Variants in PLCE1 observed in about 807,000 individuals in gnomAD.
PLCE1 encodes the protein 1-phosphatidylinositol 4,5-bisphosphate phosphodiesterase epsilon-1.
Under a neutral mutation model 242.8 loss-of-function variants are expected in PLCE1, and 119 were observed. The ratio of observed to expected loss-of-function variants is 0.49; its 90% CI spans 0.42 to 0.57. The LOEUF (loss-of-function observed/expected upper bound fraction) is 0.57. Ranked by LOEUF, PLCE1 falls within the 20% of genes least tolerant of loss-of-function variation. The probability of loss-of-function intolerance (pLI) is 0.00; values close to 1 mark genes in which losing one functional copy is unlikely to be tolerated. For missense variants in PLCE1, 2,441 were observed against 2,788.8 expected (o/e 0.88, Z 2.81); for synonymous variants, 945 against 1,017.4 (o/e 0.93, Z 1.35).
At chr10:94,212,697 T>G (rs2049383312) in intron 4 of PLCE1, among the ~76,000 whole-genome samples, 1 of 152,250 alleles carries the variant, frequency 6.6e-6, no homozygotes, top group Non-Finnish European at 1.5e-5. Flanking sequence ...CTCCAGACAC[T>G]TTCTTCACAA....
chr10:94,225,791 C>G (rs543227665), intron 4 of PLCE1, among the ~76,000 whole-genome samples: 1 of 152,344 alleles, frequency 6.6e-6, no homozygotes, highest in South Asian at 2.1e-4. Flanking sequence ...TTGCACTGCC[C>G]TCTGTGGTTG....
chr10:94,176,355 G>A (rs992135515), intron 4 of PLCE1, among the ~76,000 whole-genome samples: 21 of 152,172 alleles, frequency 1.4e-4, no homozygotes, highest in South Asian at 2.1e-4. Flanking sequence ...AGCCAAGATC[G>A]TACTACTGCA....
intron 2 of PLCE1, among the ~76,000 whole-genome samples, chr10:94,112,958 G>A (rs2046000887): frequency 6.6e-6 from 1 of 152,156 alleles, no homozygotes; most frequent in African/African-American, 2.4e-5. Context: ...CCTGGTCCTA[G>A]GGCTGGGGAC....
intron 7 of PLCE1, among the ~76,000 whole-genome samples, chr10:94,240,946 T>G (rs2050484883): frequency 6.6e-6 from 1 of 152,224 alleles, no homozygotes; most frequent in Non-Finnish European, 1.5e-5. Flanking sequence ...TTATCCCTTC[T>G]TGTAAACCCA....
In PLCE1 at chr10:94,246,132, C is replaced by G. The variant is rs745944178; in HGVS notation, c.2607C>G (p.His869Gln). ...TGCTGCAGGGGGCCACGGTCATCCA[C>G]TACGACCAGGACACACACCTCTCTG... ...QFLLQGATVI[H>Q]YDQDTHLSAR... Residue 869 changes from histidine to glutamine, a missense_variant, in exon 8 of 33, where the codon CAC becomes CAG. Coordinates refer to ENST00000371380, the MANE Select transcript of PLCE1 (RefSeq NM_016341.4). 1.9e-6 allele frequency: 3 copies of G among 1,614,172 alleles called. No homozygotes were observed. The highest frequency in any genetic ancestry group is 2.2e-5 in the South Asian group (2 of 91,082).
At chr10:94,258,965 C>CA in intron 12 of PLCE1, 43 bp downstream of exon 12, 1 of 1,614,046 alleles carries the variant, frequency 6.2e-7, no homozygotes. Context: ...CAGGCCCCCC[C>CA]ATTTCTATAA....
chr10:94,235,918 G>A lies in PLCE1; in HGVS notation c.2218G>A (p.Val740Ile). The change falls in exon 7 of 33, where the codon GTA (valine) becomes ATA (isoleucine). Residue 740 changes from valine (V) to isoleucine (I), a missense_variant. Physicochemically the swap from Val to Ile is conservative, Grantham distance 29. Transcript: ENST00000371380. ...YNSQEETLEF[V>I]ADYSGQDNFL... ...AATTCTCGATTTTTTTTTGTAGTTT[G>A]TAGCAGATTACAGTGGACAAGATAA... 6.2e-7 allele frequency: 1 copy of A among 1,612,702 alleles called. No individual in the cohort carries two copies. The highest frequency in any genetic ancestry group is 2.2e-5 in the East Asian group (1 of 44,860).
intron 2 of PLCE1, among the ~76,000 whole-genome samples, chr10:94,107,333 T>G (rs1171287924): frequency 6.6e-6 from 1 of 152,164 alleles, no homozygotes; most frequent in African/African-American, 2.4e-5. Flanking sequence ...TCCTCCTTCA[T>G]GCCACCCCCC....
chr10:94,041,708 G>C lies in PLCE1; in HGVS notation c.1206+9456G>C, dbSNP rs572411385. The stretch of plus-strand genomic sequence containing the variant: ...ATGGACTGGAGGGAATCTAGCTTCT[G>C]TCAGTGGGGGTTCGGGGATGGACAT... On this transcript the variant is annotated intron_variant, in intron 2 of 32. Transcript: ENST00000371380. Among the ~76,000 whole-genome samples, 176 of 152,270 alleles carry C rather than the reference G, an allele frequency of 1.2e-3. 1 individual carries two copies. Among genetic ancestry groups the C allele is most frequent in the South Asian group, 2.5e-3 (12 of 4,826 alleles).
At chr10:94,160,022 T>G (rs950361414) in intron 3 of PLCE1, among the ~76,000 whole-genome samples, 1 of 152,258 alleles carries the variant, frequency 6.6e-6, no homozygotes, top group African/African-American at 2.4e-5. Flanking sequence ...CTATCATTGT[T>G]GGACATTTGG....
intron 25 of PLCE1, among the ~76,000 whole-genome samples, chr10:94,305,053 A>G (rs2053154623): frequency 1.3e-5 from 2 of 152,208 alleles, no homozygotes; most frequent in Non-Finnish European, 2.9e-5. Context: ...CCTCCGTATA[A>G]TTTAACCTTT....
intron 2 of PLCE1, among the ~76,000 whole-genome samples, chr10:94,116,676 A>G (rs557990663): frequency 2.8e-4 from 42 of 152,178 alleles, no homozygotes; most frequent in Non-Finnish European, 4.6e-4. Context: ...GTCTGGGCGA[A>G]AGAGTGAGAC....
intron 2 of PLCE1, among the ~76,000 whole-genome samples, chr10:94,064,147 T>A (rs1427722226): frequency 6.6e-5 from 10 of 152,184 alleles, no homozygotes; most frequent in African/African-American, 2.4e-4. Flanking sequence ...ACACATTATT[T>A]ATTTCTATCC....
At chr10:94,034,304 A>G (rs142864274) in intron 2 of PLCE1, among the ~76,000 whole-genome samples, 11 of 152,314 alleles carry the variant, frequency 7.2e-5, no homozygotes, top group African/African-American at 2.6e-4. Context: ...CAGGGTAGCT[A>G]ACATTTATTG....
chr10:94,171,347 G>A lies in PLCE1; in HGVS notation c.1660G>A (p.Asp554Asn), dbSNP rs781026952. 50 of 1,614,002 alleles carry A rather than the reference G, an allele frequency of 3.1e-5. No homozygotes were observed. The highest frequency in any genetic ancestry group is 6.6e-5 in the South Asian group (6 of 91,078). Residue 554 changes from aspartate (D) to asparagine (N), a missense_variant, in exon 4 of 33, where the codon GAC becomes AAC. Physicochemically the swap from Asp to Asn is conservative, Grantham distance 23. Coordinates refer to ENST00000371380, the MANE Select transcript of PLCE1 (RefSeq NM_016341.4). ...QTIYRRVLPV[D>N]YLCFLTRDLG... ...TATTTACCGCAGGGTCTTGCCAGTC[G>A]ACTACCTTTGCTTCTTAACACGGGA...
At chr10:94,252,549 G>T (rs751365993) in intron 9 of PLCE1, 51 bp downstream of exon 9, 2 of 1,465,202 alleles carry the variant, frequency 1.4e-6, no homozygotes, top group Non-Finnish European at 1.9e-6. Flanking sequence ...CAGGACCGCT[G>T]TATGGTGAAC....
chr10:94,027,571 C>T (rs1443689932), intron 1 of PLCE1, among the ~76,000 whole-genome samples: 1 of 152,186 alleles, frequency 6.6e-6, no homozygotes, highest in Non-Finnish European at 1.5e-5. Flanking sequence ...CCTGTAATTC[C>T]AGCACTTCGG....
intron 3 of PLCE1, among the ~76,000 whole-genome samples, chr10:94,164,361 T>C (rs2047720929): frequency 6.6e-6 from 1 of 152,188 alleles, no homozygotes; most frequent in African/African-American, 2.4e-5. Flanking sequence ...CTTTTTATTC[T>C]TTTTTCTCTG....
intron 3 of PLCE1, among the ~76,000 whole-genome samples, chr10:94,168,470 T>C (rs2047877485): frequency 6.6e-6 from 1 of 152,204 alleles, no homozygotes; most frequent in Non-Finnish European, 1.5e-5. Flanking sequence ...ATTCAATTTG[T>C]GTTCCTTTGA....
Sources: gnomAD v4.1 joint callset for allele counts (sites outside exome capture counted in the v4.1 genomes callset) on GRCh38, gnomAD v4.1.1 for gene constraint, MANE v1.5 for transcripts, NCBI Gene and HGNC (gene_info 2026-07-23, HGNC 2026-07-21) for gene names.